Variants in CABCOCO1 observed in about 807,000 individuals in gnomAD.
The protein encoded by CABCOCO1 is ciliary-associated calcium-binding coiled-coil protein 1.
In CABCOCO1, 28 loss-of-function variants were observed where a neutral mutation model predicts 35.7. That is an observed-to-expected ratio of 0.78 (90% CI 0.58 to 1.07). The LOEUF (loss-of-function observed/expected upper bound fraction) is 1.07, where lower values mean the gene tolerates loss of function less well. CABCOCO1 is among the 50% of genes least tolerant of loss of function. The pLI, the probability that CABCOCO1 is intolerant of heterozygous loss-of-function variation, is 0.00. For missense variants in CABCOCO1, 326 were observed against 309.2 expected, an observed-to-expected ratio of 1.05 and a Z score of -0.41; for synonymous variants, 95 against 100.1, an observed-to-expected ratio of 0.95 and a Z score of 0.30.
At chr10:61,697,982 T>G (rs1840339875) in intron 5 of CABCOCO1, among the ~76,000 whole-genome samples, 1 of 152,070 alleles carries the variant, frequency 6.6e-6, no homozygotes, top group African/African-American at 2.4e-5. Context: ...CATCCCAAAT[T>G]TTCCCCAAGA....
At chr10:61,716,073 G>T (rs1840857544) in intron 5 of CABCOCO1, among the ~76,000 whole-genome samples, 1 of 151,914 alleles carries the variant, frequency 6.6e-6, no homozygotes, top group African/African-American at 2.4e-5. Flanking sequence ...TTTTCCACAA[G>T]CCAACTTCCC....
At chr10:61,665,049 A>G (rs979045878) in intron 1 of CABCOCO1, among the ~76,000 whole-genome samples, 1 of 152,212 alleles carries the variant, frequency 6.6e-6, no homozygotes, top group Non-Finnish European at 1.5e-5. Context: ...GTTCTGAATT[A>G]TTTCCTTTCT....
intron 5 of CABCOCO1, chr10:61,701,805 A>G: frequency 3.1e-6 from 3 of 983,434 alleles, no homozygotes; most frequent in Non-Finnish European, 3.6e-6. Context: ...ATTTTCCAAG[A>G]CCAGAGGCCT....
intron 5 of CABCOCO1, among the ~76,000 whole-genome samples, chr10:61,755,421 A>C (rs1841879123): frequency 6.6e-6 from 1 of 152,094 alleles, no homozygotes; most frequent in Non-Finnish European, 1.5e-5. Context: ...TCCCTTAGTT[A>C]ATAGTCAGGA....
At chr10:61,762,951 G>A (rs1487981666) in intron 7 of CABCOCO1, among the ~76,000 whole-genome samples, 1 of 152,030 alleles carries the variant, frequency 6.6e-6, no homozygotes, top group African/African-American at 2.4e-5. Context: ...TATTTTAGAT[G>A]TGTAGGTTAT....
chr10:61,731,567 A>C (rs1377806763), intron 5 of CABCOCO1, among the ~76,000 whole-genome samples: 1 of 151,886 alleles, frequency 6.6e-6, no homozygotes, highest in Non-Finnish European at 1.5e-5. Context: ...TGCCCCTCAA[A>C]ATACTTCTAA....
intron 5 of CABCOCO1, chr10:61,701,952 T>A (rs1840469451): frequency 3.0e-6 from 1 of 329,418 alleles, no homozygotes; most frequent in African/African-American, 2.2e-5. Flanking sequence ...GGGAGGATTT[T>A]TACTAAATAA....
intron 5 of CABCOCO1, among the ~76,000 whole-genome samples, chr10:61,736,305 G>C (rs1294426742): frequency 6.6e-6 from 1 of 152,094 alleles, no homozygotes; most frequent in Non-Finnish European, 1.5e-5. Flanking sequence ...TTCATCTTGA[G>C]TTGACTTTTA....
At chr10:61,737,309 G>T (rs1456247052) in intron 5 of CABCOCO1, among the ~76,000 whole-genome samples, 5 of 152,252 alleles carry the variant, frequency 3.3e-5, no homozygotes, top group African/African-American at 7.2e-5. Flanking sequence ...AACAGATGCT[G>T]GTGAGGTTGC....
chr10:61,721,193 G>C (rs1252628591), intron 5 of CABCOCO1, among the ~76,000 whole-genome samples: 1 of 151,404 alleles, frequency 6.6e-6, no homozygotes, highest in African/African-American at 2.4e-5. Context: ...CAAAGTGCTG[G>C]GATTACAGGC....
intron 7 of CABCOCO1, among the ~76,000 whole-genome samples, chr10:61,765,394 C>T (rs1318163862): frequency 6.6e-6 from 1 of 152,046 alleles, no homozygotes; most frequent in African/African-American, 2.4e-5. Context: ...ACTTTTTTTA[C>T]CAAAAATATA....
intron 5 of CABCOCO1, among the ~76,000 whole-genome samples, chr10:61,734,847 T>C: frequency 6.6e-6 from 1 of 152,034 alleles, no homozygotes; most frequent in Middle Eastern, 3.2e-3. Context: ...GATGAGAAAA[T>C]GCAGAACAGG....
intron 3 of CABCOCO1, among the ~76,000 whole-genome samples, chr10:61,681,952 A>G (rs544790438): frequency 2.1e-4 from 32 of 152,280 alleles, no homozygotes; most frequent in African/African-American, 7.5e-4. Flanking sequence ...TCTTTTCACA[A>G]GATTTCTTCG....
intron 5 of CABCOCO1, among the ~76,000 whole-genome samples, chr10:61,699,228 CT>C (rs1840375334): frequency 6.6e-6 from 1 of 152,136 alleles, no homozygotes; most frequent in South Asian, 2.1e-4. Context: ...ATGGTTGATG[CT>C]TGGATATACA....
intron 5 of CABCOCO1, among the ~76,000 whole-genome samples, chr10:61,702,057 A>G (rs1371771160): frequency 6.6e-6 from 1 of 152,196 alleles, no homozygotes; most frequent in Non-Finnish European, 1.5e-5. Flanking sequence ...TTATACTACC[A>G]ACTCTCAGCA....
At chr10:61,690,944 A>T (rs1840120972) in intron 5 of CABCOCO1, among the ~76,000 whole-genome samples, 1 of 152,160 alleles carries the variant, frequency 6.6e-6, no homozygotes, top group African/African-American at 2.4e-5. Context: ...TGCAAAAAAG[A>T]ATAATTATAT....
At chr10:61,693,494 T>C (rs1246119823) in intron 5 of CABCOCO1, among the ~76,000 whole-genome samples, 1 of 151,988 alleles carries the variant, frequency 6.6e-6, no homozygotes, top group East Asian at 1.9e-4. Context: ...GAAAAAAACA[T>C]AAATCCCCTC....
At chr10:61,667,146 A>C (rs10994866) in intron 1 of CABCOCO1, among the ~76,000 whole-genome samples, 1 of 144,632 alleles carries the variant, frequency 6.9e-6, no homozygotes, top group Admixed American at 7.1e-5. Flanking sequence ...ATATGTATAT[A>C]TAAATATAAT....
chr10:61,676,897 T>TA (rs1839527470), intron 2 of CABCOCO1, among the ~76,000 whole-genome samples: 1 of 151,648 alleles, frequency 6.6e-6, no homozygotes, highest in African/African-American at 2.4e-5. Flanking sequence ...CCATCTCTAC[T>TA]AAAAATACAA....
Sources: gnomAD v4.1 joint callset for allele counts (sites outside exome capture counted in the v4.1 genomes callset) on GRCh38, gnomAD v4.1.1 for gene constraint, MANE v1.5 for transcripts, NCBI Gene and HGNC (gene_info 2026-07-23, HGNC 2026-07-21) for gene names.